The following CD276 variants were observed in gnomAD, a reference collection of about 807,000 sequenced individuals.
CD276 encodes the protein CD276 molecule, also known as CD276 antigen.
A neutral mutation model predicts 50.0 loss-of-function variants in CD276; 34 were observed. That is an observed-to-expected ratio of 0.68 (90% CI 0.52 to 0.91). The LOEUF is 0.91. Among genes scored for constraint, CD276 ranks in the 40% least tolerant of loss-of-function variants. The pLI is 0.00. For synonymous variants in CD276, 275 were observed against 313.0 expected (o/e 0.88, Z 1.28); for missense variants, 634 against 717.5 (o/e 0.88, Z 1.33).
chr15:73,702,171 G>A (rs549327548), intron 2 of CD276, 84 bp from the exon 3 acceptor site: 3 of 1,125,506 alleles, frequency 2.7e-6, no homozygotes, highest in East Asian at 5.2e-5. Context: ...CAGGGCCTGG[G>A]GTTAGCAGGG....
intron 1 of CD276, 124 bp from the exon 2 acceptor site, chr15:73,699,462 A>G: frequency 1.6e-6 from 2 of 1,276,920 alleles, no homozygotes; most frequent in Non-Finnish European, 2.1e-6. Flanking sequence ...CCGGTGGGAT[A>G]TGGGAATGAG....
At chr15:73,702,723 G>A (rs775223695) in intron 3 of CD276, 49 bp from the exon 4 acceptor site, 111 of 1,585,342 alleles carry the variant, frequency 7.0e-5, no homozygotes, top group Non-Finnish European at 8.2e-5. Context: ...CATCCTTTTC[G>A]TCCTCTGCCA....
Position 73,689,188 on chromosome 15 carries a change from C to CTGTGTGTGTGTG in CD276, c.-55+4758_-55+4769dup, listed in dbSNP as rs58196751. ...CACTTTTTTCAGGGCTCTGTGCCTC[C>CTGTGTGTGTGTG]TGTGTGTGTGTGTGTGTGTGTGTGT... On this transcript the variant is annotated intron_variant, in intron 1 of 9. Coordinates refer to ENST00000318443, the MANE Select transcript of CD276 (RefSeq NM_001024736.2). Among the ~76,000 whole-genome samples the CTGTGTGTGTGTG allele has an allele frequency of 7.1e-3, 1,013 of 142,688 alleles. 7 individuals are homozygous for CTGTGTGTGTGTG. The highest frequency in any genetic ancestry group is 0.018 in the East Asian group (87 of 4,724). 93.6% of individuals were successfully genotyped at this position (142,688 alleles called of 152,430 possible). A position where few individuals can be genotyped will look rare whatever the true frequency, so the allele number is the denominator to read the frequency against.
chr15:73,709,304 G>T (rs1269150470), intron 7 of CD276, among the ~76,000 whole-genome samples: 1 of 152,090 alleles, frequency 6.6e-6, no homozygotes, highest in South Asian at 2.1e-4. Context: ...CTTTGGCTGG[G>T]TGAGTGGTGG....
At chr15:73,711,783 A>G (rs551997275) in intron 9 of CD276, 1 of 153,050 alleles carries the variant, frequency 6.5e-6, no homozygotes, top group South Asian at 2.1e-4. Flanking sequence ...GACATTTGGA[A>G]ATACAGGAGA....
intron 1 of CD276, chr15:73,686,252 G>A: frequency 1.0e-6 from 1 of 982,590 alleles, no homozygotes; most frequent in African/African-American, 1.7e-5. Flanking sequence ...CCTGCAGTAA[G>A]CTTTCCAGCT....
rs753309599 is a variant in CD276, at chr15:73,702,809, C to T, written c.456C>T (p.Asn152=). The T allele has an allele frequency of 1.2e-6, 2 of 1,613,826 alleles. No homozygotes were observed. Among genetic ancestry groups the T allele is most frequent in the African/African-American group, 1.3e-5 (1 of 74,906 alleles). The part of the protein sequence containing the change: ...YSKPSMTLEP[N]KDLRPGDTVT... ...AGCCCAGCATGACCCTGGAGCCCAACAAGGACCTGCGGCCAGGGGACACGG... is the reference window on the plus strand; with the variant it reads ...AGCCCAGCATGACCCTGGAGCCCAATAAGGACCTGCGGCCAGGGGACACGG... The change falls in exon 4 of 10, where the codon AAC becomes AAT. Residue 152 remains asparagine (N), a synonymous_variant. Transcript: ENST00000318443.
rs1900987187 is a variant in CD276, at chr15:73,713,340, AGACT to A, written c.*392_*395del. 1 of 279,584 alleles carries A rather than the reference AGACT, an allele frequency of 3.6e-6. No homozygotes were observed. Among genetic ancestry groups the A allele is most frequent in the African/African-American group, 2.3e-5 (1 of 43,526 alleles). 17.3% of individuals were successfully genotyped at this position (279,584 alleles called of 1,614,324 possible). A position where few individuals can be genotyped will look rare whatever the true frequency, so the allele number is the denominator to read the frequency against. On this transcript the variant is annotated 3_prime_UTR_variant, in exon 10 of 10. Transcript: ENST00000318443. ...TTTTTCTCCAAAAGATGCAATATTC[AGACT>A]GACTGACCCCCTGCCTTATTTCACC...
At chr15:73,710,940 C>T (rs1900874277) in intron 8 of CD276, among the ~76,000 whole-genome samples, 195 bp from the exon 9 acceptor site, 1 of 152,174 alleles carries the variant, frequency 6.6e-6, no homozygotes, top group Non-Finnish European at 1.5e-5. Flanking sequence ...GAATGACAAG[C>T]CACAGAGTGG....
Position 73,702,880 on chromosome 15 carries a change from T to G in CD276, c.527T>G (p.Val176Gly). ...SSYQGYPEAEVFWQDGQGVPL... is the reference protein window; with the variant it reads ...SSYQGYPEAEGFWQDGQGVPL... ...TACCAGGGCTACCCTGAGGCTGAGGTGTTCTGGCAGGATGGGCAGGGTGTG... is the reference window on the plus strand; with the variant it reads ...TACCAGGGCTACCCTGAGGCTGAGGGGTTCTGGCAGGATGGGCAGGGTGTG... The change falls in exon 4 of 10, where the codon GTG becomes GGG. Residue 176 changes from valine (V) to glycine (G), a missense_variant. Coordinates refer to ENST00000318443, the MANE Select transcript of CD276 (RefSeq NM_001024736.2). 6.2e-7 allele frequency: 1 copy of G among 1,614,028 alleles called. No homozygotes were observed. Among genetic ancestry groups the G allele is most frequent in the Non-Finnish European group, 8.5e-7 (1 of 1,180,014 alleles).
chr15:73,711,314 A>G, intron 9 of CD276, 144 bp downstream of exon 9: 1 of 828,130 alleles, frequency 1.2e-6, no homozygotes, highest in Non-Finnish European at 2.0e-6. Flanking sequence ...CCCTGGTGAG[A>G]TGGCAGAGGG....
At chr15:73,708,287 C>A (rs979687145) in intron 6 of CD276, 52 bp from the exon 7 acceptor site, 2 of 1,598,630 alleles carry the variant, frequency 1.3e-6, no homozygotes, top group Non-Finnish European at 1.7e-6. Flanking sequence ...TGCTGTCCTC[C>A]GGGACATGGG....
In CD276 at chr15:73,711,106, T is replaced by A. The variant is rs373928429; in HGVS notation, c.1547-29T>A. On this transcript the variant is annotated intron_variant, in intron 8 of 9. Transcript: ENST00000318443. ...CCCACCACTTCCCATGGTTCCTCCCTCACCGTGTGCGCCTTCCTTTTTTTA... is the reference window on the plus strand; with the variant it reads ...CCCACCACTTCCCATGGTTCCTCCCACACCGTGTGCGCCTTCCTTTTTTTA... The A allele has an allele frequency of 3.1e-6, 5 of 1,613,644 alleles. No homozygotes were observed. The African/African-American group carries it at 6.7e-5, about 22-fold the overall frequency.
Position 73,684,455 on chromosome 15 carries a change from G to C in CD276, c.-60G>C, listed in dbSNP as rs1388167207. On this transcript the variant is annotated 5_prime_UTR_variant, in exon 1 of 10. Coordinates refer to ENST00000318443, the MANE Select transcript of CD276 (RefSeq NM_001024736.2). ...CGTCCCTGAGTCCCAGAGTCGGCGC[G>C]GCGCGGTGAGTGCTGGCGTGGCGCG... The C allele has an allele frequency of 3.3e-5, 5 of 152,386 alleles. No homozygotes were observed. Among genetic ancestry groups the C allele is most frequent in the African/African-American group, 1.2e-4 (5 of 41,356 alleles). The allele number at this position is 152,386 out of a possible 1,614,324, so 9.4% of individuals were successfully genotyped here.
chr15:73,712,511 C>A (rs1900944568), intron 9 of CD276, among the ~76,000 whole-genome samples: 1 of 152,246 alleles, frequency 6.6e-6, no homozygotes, highest in South Asian at 2.1e-4. Context: ...AGGGCCCCTG[C>A]CGTGTCACTC....
chr15:73,699,933 C>T (rs144702672), intron 2 of CD276, among the ~76,000 whole-genome samples: 1 of 152,294 alleles, frequency 6.6e-6, no homozygotes, highest in African/African-American at 2.4e-5. Context: ...TAAATGAGAT[C>T]GTGCTATTTC....
At chr15:73,703,604 A>C (rs1900505114) in intron 4 of CD276, 55 bp from the exon 5 acceptor site, 18 of 1,379,300 alleles carry the variant, frequency 1.3e-5, no homozygotes, top group Non-Finnish European at 1.8e-5. Flanking sequence ...CTCGGGTGGT[A>C]GCCTAGAGAG....
Position 73,711,117 on chromosome 15 carries a change from G to A in CD276, c.1547-18G>A, listed in dbSNP as rs200284326. On this transcript the variant is annotated intron_variant, in intron 8 of 9. Coordinates refer to ENST00000318443, the MANE Select transcript of CD276 (RefSeq NM_001024736.2). ...CCATGGTTCCTCCCTCACCGTGTGC[G>A]CCTTCCTTTTTTTACAGCCCTGCAG... 6.2e-4 allele frequency: 1,001 copies of A among 1,613,724 alleles called. 2 individuals carry two copies. Among genetic ancestry groups the A allele is most frequent in the Non-Finnish European group, 7.7e-4 (913 of 1,179,950 alleles).
At chr15:73,705,369 A>T (rs1453995189) in intron 6 of CD276, among the ~76,000 whole-genome samples, 2 of 152,152 alleles carry the variant, frequency 1.3e-5, no homozygotes, top group Non-Finnish European at 2.9e-5. Context: ...CATGCACCTC[A>T]GGACTCACTT....
Sources: gnomAD v4.1 joint callset for allele counts (sites outside exome capture counted in the v4.1 genomes callset) on GRCh38, gnomAD v4.1.1 for gene constraint, MANE v1.5 for transcripts, NCBI Gene and HGNC (gene_info 2026-07-23, HGNC 2026-07-21) for gene names.